The following CLEC16A variants were observed in gnomAD, a reference collection of about 807,000 sequenced individuals.
CLEC16A encodes the protein protein CLEC16A.
CLEC16A carries 51 observed loss-of-function variants against 109.5 expected under a neutral mutation model. The observed-to-expected ratio is 0.47, with a 90% CI of 0.37 to 0.59. The LOEUF (loss-of-function observed/expected upper bound fraction) is 0.59. Among genes scored for constraint, CLEC16A ranks in the 20% least tolerant of loss-of-function variants. The pLI, the probability that CLEC16A is intolerant of heterozygous loss-of-function variation, is 0.00. For synonymous variants in CLEC16A, 673 were observed against 564.2 expected, an observed-to-expected ratio of 1.19 and a Z score of -2.73; for missense variants, 1,339 against 1,394.0, an observed-to-expected ratio of 0.96 and a Z score of 0.63.
In CLEC16A at chr16:11,178,472, A is replaced by G; in HGVS notation, c.2944A>G (p.Ser982Gly). 6.2e-7 allele frequency: 1 copy of G among 1,613,656 alleles called. No individual in the cohort carries two copies. The highest frequency in any genetic ancestry group is 8.5e-7 in the Non-Finnish European group (1 of 1,179,890). Residue 982 changes from serine (S) to glycine (G), a missense_variant, in exon 24 of 24, where the codon AGC becomes GGC. Physicochemically the swap from Ser to Gly is moderately conservative, Grantham distance 56. Transcript: ENST00000409790. The surrounding 1 kb of genome is among the most constrained non-coding windows in gnomAD (Gnocchi z 6.5). ...CGTGGAGACAGCCAGCCTGTCCCCC[A>G]GCCTCGTCCCTGCCCGGCAGCCCAC... ...AAVETASLSPSLVPARQPTIS... is the reference protein window; with the variant it reads ...AAVETASLSPGLVPARQPTIS...
chr16:10,998,763 G>A (rs372095109), intron 10 of CLEC16A, among the ~76,000 whole-genome samples: 167 of 152,092 alleles, frequency 1.1e-3, no homozygotes, highest in African/African-American at 3.6e-3. Context: ...CAGCCTGTCC[G>A]CCCCTGCTCT....
chr16:11,054,131 G>A (rs992958994), intron 18 of CLEC16A, among the ~76,000 whole-genome samples: 2 of 152,236 alleles, frequency 1.3e-5, no homozygotes, highest in Non-Finnish European at 2.9e-5. Context: ...GCCAGATCAC[G>A]GGAGCCTTGG....
intron 19 of CLEC16A, among the ~76,000 whole-genome samples, chr16:11,107,247 T>G (rs4141016): frequency 1.5e-4 from 6 of 39,690 alleles, no homozygotes; most frequent in African/African-American, 9.1e-4. Flanking sequence ...CACCAGTACA[T>G]TTTTTTTTTT....
intron 19 of CLEC16A, among the ~76,000 whole-genome samples, chr16:11,120,390 G>A (rs1358564810): frequency 6.6e-6 from 1 of 152,226 alleles, no homozygotes; most frequent in African/African-American, 2.4e-5. Flanking sequence ...GAGGGAGTGT[G>A]CATTCTCTTT....
intron 22 of CLEC16A, among the ~76,000 whole-genome samples, chr16:11,150,733 A>G (rs778491195): frequency 6.6e-6 from 1 of 152,186 alleles, no homozygotes; most frequent in African/African-American, 2.4e-5. Context: ...AACAGCAGAA[A>G]TTGATTGTCT....
rs896285498 is a variant in CLEC16A, at chr16:10,954,391, A to G, written c.81-3391A>G. 2.0e-5 allele frequency among the ~76,000 whole-genome samples: 3 copies of G among 152,138 alleles called. No individual in the cohort carries two copies. The highest frequency in any genetic ancestry group is 4.8e-5 in the African/African-American group (2 of 41,428). Reference sequence around the variant, plus strand: ...ACTTACCGCCCTGCCCTCTCTGCCTATAAGGGCCTTCTGGTAGTTACTAGG... The same window carrying G: ...ACTTACCGCCCTGCCCTCTCTGCCTGTAAGGGCCTTCTGGTAGTTACTAGG... On this transcript the variant is annotated intron_variant, in intron 1 of 23. Coordinates refer to ENST00000409790, the MANE Select transcript of CLEC16A (RefSeq NM_015226.3). This position sits in a 1 kb window ranked among gnomAD's most constrained non-coding sequence, Gnocchi z 4.2.
At chr16:10,970,641 C>T (rs2042735788) in intron 4 of CLEC16A, among the ~76,000 whole-genome samples, 1 of 152,222 alleles carries the variant, frequency 6.6e-6, no homozygotes, top group South Asian at 2.1e-4. Context: ...TGACCTCAAG[C>T]AATCCCCCCT....
At chr16:10,958,629 C>T (rs182893756) in intron 2 of CLEC16A, among the ~76,000 whole-genome samples, 2 of 152,174 alleles carry the variant, frequency 1.3e-5, no homozygotes, top group South Asian at 2.1e-4. Context: ...GGCCGCCAGG[C>T]GCGGTGGCTC....
At chr16:10,998,688 G>A (rs899893003) in intron 10 of CLEC16A, among the ~76,000 whole-genome samples, 2 of 151,110 alleles carry the variant, frequency 1.3e-5, no homozygotes, top group Admixed American at 6.6e-5. Context: ...TCATCATTCT[G>A]TCTTGCCCTT....
intron 19 of CLEC16A, among the ~76,000 whole-genome samples, chr16:11,080,475 C>A (rs1321166390): frequency 6.6e-6 from 1 of 152,200 alleles, no homozygotes; most frequent in East Asian, 1.9e-4. Flanking sequence ...AGTGAAGACA[C>A]ACAGGTATGT....
In CLEC16A at chr16:11,156,964, C is replaced by G. The variant is rs1231553423; in HGVS notation, c.2642-9424C>G. 2.0e-5 allele frequency: 10 copies of G among 494,104 alleles called. No individual in the cohort carries two copies. In the East Asian group the frequency reaches 7.1e-4, roughly 35 times the overall value. 30.6% of individuals were successfully genotyped at this position (494,104 alleles called of 1,614,324 possible). ...TGCCGGTAGCAAAAGGGGCATTAGA[C>G]TTGGCAGCCCTCACAGGCAGACCTT... On this transcript the variant is annotated intron_variant, in intron 22 of 23. Transcript: ENST00000409790.
chr16:11,163,376 T>C (rs184674164), intron 22 of CLEC16A, among the ~76,000 whole-genome samples: 32 of 150,314 alleles, frequency 2.1e-4, no homozygotes, highest in Non-Finnish European at 3.4e-4. Flanking sequence ...GGAGAGAGAG[T>C]GGAAAGGAGG....
chr16:11,047,553 C>T (rs536913301), intron 17 of CLEC16A: 58 of 393,808 alleles, frequency 1.5e-4, no homozygotes, highest in Non-Finnish European at 2.1e-4. Context: ...GGGAGGTGTC[C>T]GATGAATCAG....
intron 22 of CLEC16A, among the ~76,000 whole-genome samples, chr16:11,146,541 T>C (rs2054064915): frequency 7.2e-6 from 1 of 139,056 alleles, no homozygotes; most frequent in South Asian, 2.3e-4. Flanking sequence ...GAAGGATGGA[T>C]GGGTATAGAA....
chr16:11,169,081 G>T (rs2068395733), intron 23 of CLEC16A, among the ~76,000 whole-genome samples: 2 of 152,208 alleles, frequency 1.3e-5, no homozygotes, highest in African/African-American at 4.8e-5. Flanking sequence ...CTGGACAGCA[G>T]AAGACAGCTG....
At chr16:11,125,229 T>C (rs920771324) in intron 21 of CLEC16A, among the ~76,000 whole-genome samples, 1 of 152,194 alleles carries the variant, frequency 6.6e-6, no homozygotes, top group Non-Finnish European at 1.5e-5. Context: ...AAATCATTAC[T>C]GAAGCATTCT....
At chr16:11,008,708 C>T (rs1010828826) in intron 11 of CLEC16A, among the ~76,000 whole-genome samples, 5 of 151,402 alleles carry the variant, frequency 3.3e-5, no homozygotes, top group African/African-American at 7.3e-5. Flanking sequence ...TAAGTACATT[C>T]GGCTGGGTGC....
At chr16:10,997,254 G>A (rs1202402474) in intron 10 of CLEC16A, among the ~76,000 whole-genome samples, 3 of 152,222 alleles carry the variant, frequency 2.0e-5, no homozygotes, top group Admixed American at 2.0e-4. Flanking sequence ...GAGCCACTGC[G>A]CCCAGCCTGG....
intron 2 of CLEC16A, among the ~76,000 whole-genome samples, chr16:10,960,645 A>G (rs922892817): frequency 2.6e-5 from 4 of 152,112 alleles, no homozygotes; most frequent in African/African-American, 9.7e-5. Context: ...CCACGTTTTC[A>G]TGATGAGGGG....
Sources: allele counts gnomAD v4.1 joint callset (sites outside exome capture counted in the v4.1 genomes callset), GRCh38; gene constraint gnomAD v4.1.1; non-coding constraint Gnocchi (gnomAD v3.1); transcripts MANE v1.5; gene names NCBI Gene and HGNC (gene_info 2026-07-23, HGNC 2026-07-21).